The following KALRN variants were observed in gnomAD, a reference collection of about 807,000 sequenced individuals.
The protein encoded by KALRN is kalirin.
KALRN carries 70 observed loss-of-function variants against 353.7 expected under a neutral mutation model. The observed-to-expected ratio is 0.20, with a 90% CI of 0.16 to 0.24. The LOEUF is 0.24. Ranked by LOEUF, KALRN falls within the 10% of genes least tolerant of loss-of-function variation. The pLI is 1.00. For synonymous variants in KALRN, 1,391 were observed against 1,434.8 expected (o/e 0.97, Z 0.69); for missense variants, 2,791 against 3,756.7 (o/e 0.74, Z 6.72).
intron 34 of KALRN, among the ~76,000 whole-genome samples, chr3:124,563,887 T>G (rs1227146509): frequency 6.6e-6 from 1 of 151,108 alleles, no homozygotes; most frequent in African/African-American, 2.4e-5. Flanking sequence ...CCCAGCTACT[T>G]GGGAGGCTGA....
chr3:124,474,689 A>C lies in KALRN; in HGVS notation c.4058A>C (p.Tyr1353Ser). The change falls in exon 26 of 60, where the codon TAC (tyrosine) becomes TCC (serine). Residue 1353 changes from tyrosine to serine, a missense_variant. Tyr to Ser is a moderately radical substitution (Grantham distance 144). Transcript: ENST00000682506. Reference sequence around the variant, plus strand: ...ATCTTCCTCAAAGAGCTGGAGAAGTACGAGCAACTGCCTGAGGATGTGGGA... The same window carrying C: ...ATCTTCCTCAAAGAGCTGGAGAAGTCCGAGCAACTGCCTGAGGATGTGGGA... ...NNIFLKELEK[Y>S]EQLPEDVGHC... is the part of the protein sequence containing the mutation. 1 of 1,614,138 alleles carries C rather than the reference A, an allele frequency of 6.2e-7. No homozygotes were observed. The highest frequency in any genetic ancestry group is 8.5e-7 in the Non-Finnish European group (1 of 1,179,980).
intron 39 of KALRN, 89 bp from the exon 40 acceptor site, chr3:124,657,359 T>C (rs1238683309): frequency 2.4e-6 from 2 of 842,382 alleles, no homozygotes; most frequent in African/African-American, 1.7e-5. Context: ...GCAGAGAGTG[T>C]GGGCTTGCAG....
intron 1 of KALRN, among the ~76,000 whole-genome samples, chr3:124,073,767 T>C (rs1315060119): frequency 6.6e-6 from 1 of 152,212 alleles, no homozygotes; most frequent in Non-Finnish European, 1.5e-5. Flanking sequence ...TATTGATCTC[T>C]GAGTTCACTC....
chr3:124,210,238 TACTC>T (rs1474057785), intron 1 of KALRN, among the ~76,000 whole-genome samples: 1 of 152,238 alleles, frequency 6.6e-6, no homozygotes, highest in Admixed American at 6.5e-5. Flanking sequence ...ATATAACAAA[TACTC>T]AGTAAATACT....
rs2062114380 is a variant in KALRN, at chr3:124,697,598, C to T, written c.7705C>T (p.Pro2569Ser). 1 of 1,600,868 alleles carries T rather than the reference C, an allele frequency of 6.2e-7. No individual in the cohort carries two copies. The highest frequency in any genetic ancestry group is 1.8e-5 in the Admixed American group (1 of 56,312). ...TSATVKVQGV[P>S]AAPNRPIAQE... is the part of the protein sequence containing the mutation. ...CCTGATTTCTGTCTCCATAGGTGTT[C>T]CAGCAGCCCCTAACCGCCCCATTGC... Residue 2569 changes from proline to serine, a missense_variant, in exon 55 of 60, where the codon CCA (proline) becomes TCA (serine). Physicochemically the swap from Pro to Ser is moderately conservative, Grantham distance 74. Coordinates refer to ENST00000682506, the MANE Select transcript of KALRN (RefSeq NM_001388419.1).
intron 33 of KALRN, among the ~76,000 whole-genome samples, chr3:124,523,795 C>A (rs1371861155): frequency 1.3e-5 from 2 of 152,192 alleles, no homozygotes; most frequent in Non-Finnish European, 2.9e-5. Flanking sequence ...CTTGGTGAGA[C>A]AGTGAGGTCT....
intron 33 of KALRN, among the ~76,000 whole-genome samples, chr3:124,551,584 G>A (rs1375756848): frequency 6.6e-6 from 1 of 152,196 alleles, no homozygotes; most frequent in Non-Finnish European, 1.5e-5. Flanking sequence ...ATTGACTGTT[G>A]CAGCCAAGGG....
chr3:124,456,973 T>G (rs1477698892), intron 23 of KALRN, among the ~76,000 whole-genome samples: 4 of 152,192 alleles, frequency 2.6e-5, no homozygotes, highest in Non-Finnish European at 5.9e-5. Flanking sequence ...TCCTCATAGA[T>G]CATCACATTT....
intron 34 of KALRN, among the ~76,000 whole-genome samples, chr3:124,598,278 C>G (rs577267177): frequency 1.4e-4 from 22 of 152,290 alleles, no homozygotes; most frequent in African/African-American, 5.3e-4. Context: ...AAATCAAGGG[C>G]TACTCCAATG....
intron 31 of KALRN, 25 bp from the exon 32 acceptor site, chr3:124,492,715 A>C (rs761923252): frequency 1.9e-6 from 3 of 1,610,314 alleles, no homozygotes; most frequent in Non-Finnish European, 2.5e-6. Context: ...TGGGGTTCTC[A>C]GTCTTTCTCC....
At chr3:124,687,460 G>A (rs923197194) in intron 51 of KALRN, among the ~76,000 whole-genome samples, 2 of 151,946 alleles carry the variant, frequency 1.3e-5, no homozygotes, top group African/African-American at 4.8e-5. Flanking sequence ...GGTGATAGAT[G>A]CTTTCATTAT....
chr3:124,221,281 A>C (rs1287580195), intron 1 of KALRN, among the ~76,000 whole-genome samples: 1 of 152,074 alleles, frequency 6.6e-6, no homozygotes, highest in Non-Finnish European at 1.5e-5. Context: ...TAATTTGAAG[A>C]TCATCTTCTC....
Position 124,257,821 on chromosome 3 carries a change from G to C in KALRN, c.264-6677G>C, listed in dbSNP as rs892028270. Among the ~76,000 whole-genome samples the C allele has an allele frequency of 4.6e-5, 7 of 152,178 alleles. No homozygotes were observed. In the East Asian group the frequency reaches 1.3e-3, roughly 29 times the overall value. ...TTTCCCCTCCTGAGGGGATTTAAAA[G>C]TCTGCTTTGAAAAATATTTTTAAAT... is the stretch of plus-strand genomic sequence containing the variant. On this transcript the variant is annotated intron_variant, in intron 3 of 59. Coordinates refer to ENST00000682506, the MANE Select transcript of KALRN (RefSeq NM_001388419.1).
At chr3:124,506,663 G>GA (rs2065267438) in intron 33 of KALRN, among the ~76,000 whole-genome samples, 1 of 152,154 alleles carries the variant, frequency 6.6e-6, no homozygotes, top group South Asian at 2.1e-4. Flanking sequence ...ATACCTCTTT[G>GA]AATGTTATGA....
At chr3:124,073,899 AC>A (rs1014958709) in intron 1 of KALRN, among the ~76,000 whole-genome samples, 4 of 152,144 alleles carry the variant, frequency 2.6e-5, no homozygotes, top group African/African-American at 9.7e-5. Flanking sequence ...CCATCAAGGC[AC>A]TGATCTCAAG....
intron 34 of KALRN, among the ~76,000 whole-genome samples, chr3:124,579,349 T>A (rs1438605461): frequency 1.3e-5 from 2 of 152,234 alleles, no homozygotes; most frequent in Non-Finnish European, 2.9e-5. Flanking sequence ...GAAAGCCTTA[T>A]TCATGTAAAA....
chr3:124,193,670 A>C (rs1341897344), intron 1 of KALRN, among the ~76,000 whole-genome samples: 1 of 152,074 alleles, frequency 6.6e-6, no homozygotes, highest in Non-Finnish European at 1.5e-5. Flanking sequence ...ACAAAACTAA[A>C]TGAAAAAATA....
intron 3 of KALRN, among the ~76,000 whole-genome samples, chr3:124,253,305 T>C (rs1356831127): frequency 2.0e-5 from 3 of 152,216 alleles, no homozygotes; most frequent in African/African-American, 7.2e-5. Context: ...GGAACCTTTC[T>C]TTCTCCTCAA....
chr3:124,693,279 G>A (rs1247486316), intron 51 of KALRN, among the ~76,000 whole-genome samples: 1 of 152,184 alleles, frequency 6.6e-6, no homozygotes, highest in Non-Finnish European at 1.5e-5. Context: ...GCTGCTTGAA[G>A]AGTCGTTTCC....
Sources: allele counts gnomAD v4.1 joint callset (sites outside exome capture counted in the v4.1 genomes callset), GRCh38; gene constraint gnomAD v4.1.1; transcripts MANE v1.5; gene names NCBI Gene and HGNC (gene_info 2026-07-23, HGNC 2026-07-21).